The following SEL1L variants were observed in gnomAD, a reference collection of about 807,000 sequenced individuals.
SEL1L encodes the protein protein sel-1 homolog 1.
A neutral mutation model predicts 109.8 loss-of-function variants in SEL1L; 52 were observed. That is an observed-to-expected ratio of 0.47 (90% CI 0.38 to 0.60). The LOEUF is 0.60. SEL1L is among the 20% of genes least tolerant of loss of function. The pLI is 0.00. For synonymous variants in SEL1L, 373 were observed against 339.6 expected (o/e 1.10, Z -1.08); for missense variants, 749 against 962.2 (o/e 0.78, Z 2.93).
At position 81,477,098 on chromosome 14, in the gene SEL1L, C is replaced by G; in HGVS notation, c.2259G>C (p.Leu753=). 1 of 1,614,150 alleles carries G rather than the reference C, an allele frequency of 6.2e-7. No individual in the cohort carries two copies. Among genetic ancestry groups the G allele is most frequent in the South Asian group, 1.1e-5 (1 of 91,080 alleles). ...WDLYLMTIIA[L]LLGTVIAYRQ... ...TGTAAGCTATGACTGTTCCCAACAG[C>G]AGCGCAATGATGGTCATGAGGTAAA... is the stretch of plus-strand genomic sequence containing the variant. Residue 753 remains leucine, a synonymous_variant, in exon 21 of 21, where the codon CTG becomes CTC. Transcript: ENST00000336735.
intron 13 of SEL1L, among the ~76,000 whole-genome samples, chr14:81,489,831 A>T (rs1477568337): frequency 6.6e-6 from 1 of 152,214 alleles, no homozygotes; most frequent in African/African-American, 2.4e-5. Flanking sequence ...AAAGAAAAAA[A>T]TCTAGAATTT....
At chr14:81,508,044 A>G (rs1055056101) in intron 3 of SEL1L, among the ~76,000 whole-genome samples, 1 of 152,232 alleles carries the variant, frequency 6.6e-6, no homozygotes, top group Non-Finnish European at 1.5e-5. Flanking sequence ...TAAAGGACTC[A>G]TTATGGTGCC....
At chr14:81,504,502 C>T (rs960732713) in intron 4 of SEL1L, among the ~76,000 whole-genome samples, 196 bp from the exon 5 acceptor site, 14 of 149,422 alleles carry the variant, frequency 9.4e-5, no homozygotes, top group African/African-American at 2.6e-4. Flanking sequence ...TATATATATA[C>T]ACACATATAT....
chr14:81,526,032 T>C (rs1379093320), intron 3 of SEL1L, among the ~76,000 whole-genome samples: 2 of 152,172 alleles, frequency 1.3e-5, no homozygotes, highest in African/African-American at 2.4e-5. Flanking sequence ...TCTATTTTTT[T>C]AAAAAGTTCA....
intron 3 of SEL1L, among the ~76,000 whole-genome samples, chr14:81,512,117 C>T (rs576015055): frequency 1.3e-5 from 2 of 152,250 alleles, no homozygotes; most frequent in East Asian, 1.9e-4. Context: ...TATCATTGTT[C>T]TGGAAGTTTC....
rs536303840 is a variant in SEL1L, at chr14:81,497,984, C to T, written c.1036G>A (p.Val346Met). Reference protein sequence around the residue: ...VVQRIRLPDEVENPGMNSGML... With the variant: ...VVQRIRLPDEMENPGMNSGML... ...CCACTGTTCATTCCTGGATTTTCCA[C>T]TTCATCAGGCAGCCGTATTCTCTGT... Residue 346 changes from valine (V) to methionine (M), a missense_variant, in exon 10 of 21, where the codon GTG (valine) becomes ATG (methionine). Around this residue, in one of 2 missense-constraint regions of SEL1L, gnomAD observed 383 missense variants for 562.5 expected, o/e 0.68. Transcript: ENST00000336735. 48 of 1,614,086 alleles carry T rather than the reference C, an allele frequency of 3.0e-5. No individual in the cohort carries two copies. The South Asian group carries it at 5.1e-4, about 17-fold the overall frequency.
chr14:81,496,727 CAAAAAATAAAAAATAA>C (rs1009214634), intron 10 of SEL1L, among the ~76,000 whole-genome samples: 1 of 150,866 alleles, frequency 6.6e-6, no homozygotes, highest in African/African-American at 2.4e-5. Flanking sequence ...GGATCTGTCT[CAAAAAATAAAAAATAA>C]AAAAATAAAT....
At chr14:81,503,995 C>T (rs1246553033) in intron 5 of SEL1L, among the ~76,000 whole-genome samples, 1 of 152,146 alleles carries the variant, frequency 6.6e-6, no homozygotes, top group East Asian at 1.9e-4. Context: ...TTGTTTGTTA[C>T]TGTAATCAGT....
In SEL1L at chr14:81,500,807, C is replaced by T. The variant is rs117684611; in HGVS notation, c.778-1145G>A. Among the ~76,000 whole-genome samples the T allele has an allele frequency of 2.2e-3, 330 of 152,170 alleles. 2 individuals carry two copies. The Middle Eastern group carries it at 0.037, about 17-fold the overall frequency. On this transcript the variant is annotated intron_variant, in intron 6 of 20. Transcript: ENST00000336735. ...AGCTGAAGAGGTCAAGGGAAAAAGG[C>T]TGCTCTACAATGTTAGAGCACACAT...
At chr14:81,498,241 A>G in intron 9 of SEL1L, 172 bp downstream of exon 9, 1 of 828,526 alleles carries the variant, frequency 1.2e-6, no homozygotes, top group Non-Finnish European at 1.8e-6. Context: ...AATAGAACCT[A>G]AAGCAAAATT....
At chr14:81,517,891 T>G (rs1884764369) in intron 3 of SEL1L, among the ~76,000 whole-genome samples, 1 of 152,110 alleles carries the variant, frequency 6.6e-6, no homozygotes, top group African/African-American at 2.4e-5. Flanking sequence ...AATTGATGGT[T>G]TGCTTCCAGG....
At position 81,487,401 on chromosome 14, in the gene SEL1L, T is replaced by C; in HGVS notation, c.1621A>G (p.Thr541Ala). The C allele has an allele frequency of 6.3e-7, 1 of 1,587,416 alleles. No individual in the cohort carries two copies. The highest frequency in any genetic ancestry group is 8.5e-7 in the Non-Finnish European group (1 of 1,173,604). Residue 541 changes from threonine to alanine, a missense_variant, in exon 16 of 21, where the codon ACT becomes GCT. By Grantham distance (58) the Thr-to-Ala change is moderately conservative (BLOSUM62 0). Around this residue, in one of 2 missense-constraint regions of SEL1L, gnomAD observed 383 missense variants for 562.5 expected, o/e 0.68. Transcript: ENST00000336735. ...SGTGVMRSCH[T>A]AVELFKNVCE... The stretch of plus-strand genomic sequence containing the variant: ...AGGAAAGACCTTACCTCCACTGCAG[T>C]GTGACATGATCGCATCACGCCGGTG...
At chr14:81,514,953 A>C (rs1304000609) in intron 3 of SEL1L, among the ~76,000 whole-genome samples, 1 of 152,202 alleles carries the variant, frequency 6.6e-6, no homozygotes, top group Admixed American at 6.5e-5. Context: ...AATGGAGTGA[A>C]ATACCTTATG....
intron 13 of SEL1L, 131 bp downstream of exon 13, chr14:81,490,257 T>C: frequency 1.5e-6 from 1 of 649,204 alleles, no homozygotes; most frequent in East Asian, 3.2e-5. Flanking sequence ...TTCACATGAA[T>C]CATACTTAAT....
chr14:81,510,502 C>CTATA (rs1345333850), intron 3 of SEL1L, among the ~76,000 whole-genome samples: 3 of 126,288 alleles, frequency 2.4e-5, no homozygotes, highest in Admixed American at 8.1e-5. Context: ...CTCTCTCTCT[C>CTATA]TCTCTCTCTC....
chr14:81,497,829 G>T, intron 10 of SEL1L, 63 bp downstream of exon 10: 1 of 1,470,510 alleles, frequency 6.8e-7, no homozygotes. Context: ...GCTTGCTCCC[G>T]TCCCCCACAG....
At chr14:81,495,629 T>G (rs1883715059) in intron 10 of SEL1L, among the ~76,000 whole-genome samples, 1 of 151,260 alleles carries the variant, frequency 6.6e-6, no homozygotes, top group Admixed American at 6.6e-5. Context: ...CAGAGAGAGA[T>G]GTTTTCTCAA....
At chr14:81,520,624 G>A (rs1442545704) in intron 3 of SEL1L, among the ~76,000 whole-genome samples, 1 of 152,134 alleles carries the variant, frequency 6.6e-6, no homozygotes, top group East Asian at 1.9e-4. Context: ...AACAGAGTGA[G>A]CAGATACCTC....
chr14:81,533,839 C>T lies in SEL1L; in HGVS notation c.-95G>A. 1.6e-6 allele frequency: 2 copies of T among 1,251,070 alleles called. No individual in the cohort carries two copies. Among genetic ancestry groups the T allele is most frequent in the Non-Finnish European group, 2.3e-6 (2 of 876,810 alleles). The allele number at this position is 1,251,070 out of a possible 1,614,324, so 77.5% of individuals were successfully genotyped here. A position where few individuals can be genotyped will look rare whatever the true frequency, so the allele number is the denominator to read the frequency against. On this transcript the variant is annotated 5_prime_UTR_variant, in exon 1 of 21. Coordinates refer to ENST00000336735, the MANE Select transcript of SEL1L (RefSeq NM_005065.6). The stretch of plus-strand genomic sequence containing the variant: ...CACCGCCGCCTCGCCGCTGCTCTTC[C>T]TGCTCTAGTCTCCTTCCTCCGCCCC...
Sources: gnomAD v4.1 joint callset for allele counts (sites outside exome capture counted in the v4.1 genomes callset) on GRCh38, gnomAD v4.1.1 for gene constraint, gnomAD v4.1.1 regional missense constraint, MANE v1.5 for transcripts, NCBI Gene and HGNC (gene_info 2026-07-23, HGNC 2026-07-21) for gene names.